Variants in SPTY2D1 observed in about 807,000 individuals in gnomAD.
SPTY2D1 encodes the protein protein SPT2 homolog.
In SPTY2D1, 21 loss-of-function variants were observed where a neutral mutation model predicts 64.0. That is an observed-to-expected ratio of 0.33 (90% CI 0.23 to 0.47). The LOEUF (loss-of-function observed/expected upper bound fraction) is 0.47, where lower values mean the gene tolerates loss of function less well. Ranked by LOEUF, SPTY2D1 falls within the 20% of genes least tolerant of loss-of-function variation. The probability of loss-of-function intolerance (pLI) is 1.00; values close to 1 mark genes in which losing one functional copy is unlikely to be tolerated. For synonymous variants in SPTY2D1, 287 were observed against 286.8 expected, an observed-to-expected ratio of 1.00 and a Z score of -0.01; for missense variants, 724 against 837.2, an observed-to-expected ratio of 0.86 and a Z score of 1.67.
intron 1 of SPTY2D1, among the ~76,000 whole-genome samples, chr11:18,624,985 C>T (rs1481656800): frequency 1.3e-5 from 2 of 151,922 alleles, no homozygotes; most frequent in African/African-American, 4.8e-5. Context: ...GGCGACAGAG[C>T]GAGACTCCGT....
chr11:18,619,778 C>T (rs1854361925), intron 1 of SPTY2D1, among the ~76,000 whole-genome samples: 1 of 151,918 alleles, frequency 6.6e-6, no homozygotes, highest in African/African-American at 2.4e-5. Context: ...ACAAAAATTT[C>T]CTGTCCCTGT....
chr11:18,623,843 T>C (rs1854455585), intron 1 of SPTY2D1, among the ~76,000 whole-genome samples: 1 of 152,258 alleles, frequency 6.6e-6, no homozygotes. Flanking sequence ...TCACTTAGCA[T>C]GTTTTCAAAG....
chr11:18,631,868 C>T (rs573012255), intron 1 of SPTY2D1, among the ~76,000 whole-genome samples: 74 of 152,110 alleles, frequency 4.9e-4, no homozygotes, highest in African/African-American at 1.5e-3. Flanking sequence ...GAAATTTGGC[C>T]GGGTGTGGTG....
rs1459715629 is a variant in SPTY2D1 at position 18,616,046 on chromosome 11, G to C, written c.228C>G (p.Leu76=). 2 of 1,613,096 alleles carry C rather than the reference G, an allele frequency of 1.2e-6. No homozygotes were observed. The highest frequency in any genetic ancestry group is 1.7e-5 in the Admixed American group (1 of 59,762). ...TAGCTCTTGCTTTCTTGTCATGTTT[G>C]AGCTCAATTCGCTTTTTCACTAGTT... is the stretch of plus-strand genomic sequence containing the variant. ...KEELVKKRIE[L]KHDKKARAMA... Residue 76 remains leucine, a synonymous_variant, in exon 3 of 6, where the codon CTC becomes CTG. Transcript: ENST00000336349.
intron 1 of SPTY2D1, among the ~76,000 whole-genome samples, chr11:18,622,168 G>C (rs1296837526): frequency 7.2e-6 from 1 of 139,594 alleles, no homozygotes; most frequent in East Asian, 2.2e-4. Flanking sequence ...AACACTCTTA[G>C]ACAAAGTTTA....
chr11:18,614,640 T>C lies in SPTY2D1; in HGVS notation c.1634A>G (p.Lys545Arg), dbSNP rs1361417466. The change falls in exon 3 of 6, where the codon AAG becomes AGG. Residue 545 changes from lysine to arginine, a missense_variant. Lys to Arg is a conservative substitution (Grantham distance 26). Transcript: ENST00000336349. Reference sequence around the variant, plus strand: ...ATTGCTGGACCGGCTAATGATATTCTTGGAAGAAATTGTTTCGGAGACAAC... The same window carrying C: ...ATTGCTGGACCGGCTAATGATATTCCTGGAAGAAATTGTTTCGGAGACAAC... ...CTVVSETISSKNIISRSSNGQ... is the reference protein window; with the variant it reads ...CTVVSETISSRNIISRSSNGQ... 1 of 1,614,276 alleles carries C rather than the reference T, an allele frequency of 6.2e-7. No homozygotes were observed. Among genetic ancestry groups the C allele is most frequent in the South Asian group, 1.1e-5 (1 of 91,092 alleles).
intron 1 of SPTY2D1, among the ~76,000 whole-genome samples, chr11:18,624,118 C>A (rs904180462): frequency 6.6e-6 from 1 of 151,818 alleles, no homozygotes; most frequent in African/African-American, 2.4e-5. Flanking sequence ...TTGCAATAGA[C>A]CCTGGTATCA....
intron 1 of SPTY2D1, among the ~76,000 whole-genome samples, chr11:18,632,672 C>G (rs981776043): frequency 4.6e-5 from 7 of 152,124 alleles, no homozygotes; most frequent in Admixed American, 4.6e-4. Context: ...TTACTTTTTT[C>G]CCCTTTTTGA....
In SPTY2D1 at chr11:18,615,151, A is replaced by G. The variant is rs754123491; in HGVS notation, c.1123T>C (p.Ser375Pro). 2 of 1,614,152 alleles carry G rather than the reference A, an allele frequency of 1.2e-6. No homozygotes were observed. The change falls in exon 3 of 6, where the codon TCT becomes CCT. Residue 375 changes from serine (S) to proline (P), a missense_variant. Coordinates refer to ENST00000336349, the MANE Select transcript of SPTY2D1 (RefSeq NM_194285.3). ...SPGVRQPGSS[S>P]SSAPGQPSTG... ...CTGGGCTGCCCAGGGGCTGAGCTAG[A>G]GCTGCTGCCTGGCTGCCTGACACCT...
intron 1 of SPTY2D1, among the ~76,000 whole-genome samples, chr11:18,623,593 A>G (rs1854451271): frequency 6.6e-6 from 1 of 152,220 alleles, no homozygotes; most frequent in Non-Finnish European, 1.5e-5. Context: ...TACCCTCCAT[A>G]ATGTGGATGG....
At position 18,609,782 on chromosome 11, in the gene SPTY2D1, A is replaced by G. The variant is rs1854166410; in HGVS notation, c.*79T>C. Reference sequence around the variant, plus strand: ...TACCCAAGTATAAATCTAAAATGATAAGGGGGCTTCTTCAGTCTGAAGGCA... The same window carrying G: ...TACCCAAGTATAAATCTAAAATGATGAGGGGGCTTCTTCAGTCTGAAGGCA... On this transcript the variant is annotated 3_prime_UTR_variant, in exon 6 of 6. Transcript: ENST00000336349. 1 of 1,282,260 alleles carries G rather than the reference A, an allele frequency of 7.8e-7. No homozygotes were observed. The highest frequency in any genetic ancestry group is 1.1e-6 in the Non-Finnish European group (1 of 896,216). 79.4% of individuals were successfully genotyped at this position (1,282,260 alleles called of 1,614,324 possible). A position where few individuals can be genotyped will look rare whatever the true frequency, so the allele number is the denominator to read the frequency against.
intron 1 of SPTY2D1, among the ~76,000 whole-genome samples, chr11:18,622,954 AAACAACAACAACAAC>A (rs71050619): frequency 8.0e-5 from 12 of 149,220 alleles, no homozygotes; most frequent in South Asian, 2.2e-4. Flanking sequence ...CTCTGTCTCA[AAACAACAACAACAAC>A]AACAACAACA....
Position 18,615,336 on chromosome 11 carries a change from C to A in SPTY2D1, c.938G>T (p.Gly313Val), listed in dbSNP as rs1234970011. 6.2e-7 allele frequency: 1 copy of A among 1,614,072 alleles called. No individual in the cohort carries two copies. The highest frequency in any genetic ancestry group is 8.5e-7 in the Non-Finnish European group (1 of 1,180,054). The change falls in exon 3 of 6, where the codon GGA becomes GTA. Residue 313 changes from glycine (G) to valine (V), a missense_variant. Coordinates refer to ENST00000336349, the MANE Select transcript of SPTY2D1 (RefSeq NM_194285.3). ...TGAAGAGGTGCTGGAATGAGGCTTT[C>A]CAGCTCCATTAAAAACAGGTTTGTC... The part of the protein sequence containing the change: ...GHDKPVFNGA[G>V]KPHSSTSSPS...
chr11:18,625,253 A>C lies in SPTY2D1; in HGVS notation c.61-8264T>G, dbSNP rs145983750. On this transcript the variant is annotated intron_variant, in intron 1 of 5. Transcript: ENST00000336349. Reference sequence around the variant, plus strand: ...CCTGGAAAACCAATGGTTCCATTAGAACTGCTTAGCTGGATGGCTAAGAGG... The same window carrying C: ...CCTGGAAAACCAATGGTTCCATTAGCACTGCTTAGCTGGATGGCTAAGAGG... Among the ~76,000 whole-genome samples the C allele has an allele frequency of 3.3e-3, 498 of 152,352 alleles. 3 individuals carry two copies. The highest frequency in any genetic ancestry group is 0.012 in the African/African-American group (486 of 41,582).
intron 4 of SPTY2D1, among the ~76,000 whole-genome samples, chr11:18,611,860 A>C (rs1854211514): frequency 6.6e-6 from 1 of 152,188 alleles, no homozygotes; most frequent in South Asian, 2.1e-4. Context: ...TTTATATTAA[A>C]ATTTGAAAGC....
chr11:18,621,946 G>A (rs1199851566), intron 1 of SPTY2D1, among the ~76,000 whole-genome samples: 1 of 151,522 alleles, frequency 6.6e-6, no homozygotes, highest in African/African-American at 2.4e-5. Flanking sequence ...AATTAGCTGG[G>A]CACAGTGGCA....
chr11:18,631,307 T>C (rs1213744483), intron 1 of SPTY2D1, among the ~76,000 whole-genome samples: 1 of 152,122 alleles, frequency 6.6e-6, no homozygotes, highest in East Asian at 1.9e-4. Flanking sequence ...GGCTCAGTGG[T>C]TCACACCTGT....
intron 1 of SPTY2D1, among the ~76,000 whole-genome samples, chr11:18,628,015 TCCAGC>T (rs1228684454): frequency 4.6e-5 from 7 of 152,146 alleles, no homozygotes; most frequent in Non-Finnish European, 5.9e-5. Flanking sequence ...ATCACTGGAC[TCCAGC>T]CCAGGCGACA....
intron 5 of SPTY2D1, among the ~76,000 whole-genome samples, chr11:18,610,651 G>A (rs1406231710): frequency 4.0e-5 from 5 of 125,076 alleles, no homozygotes; most frequent in African/African-American, 1.2e-4. Context: ...TGGCGACAGA[G>A]CAAGACCCTG....
Sources: gnomAD v4.1 joint callset for allele counts (sites outside exome capture counted in the v4.1 genomes callset) on GRCh38, gnomAD v4.1.1 for gene constraint, MANE v1.5 for transcripts, NCBI Gene and HGNC (gene_info 2026-07-23, HGNC 2026-07-21) for gene names.